Variants in GLT1D1 observed in about 807,000 individuals in gnomAD.
GLT1D1 encodes glycosyltransferase 1 domain containing 1.
A neutral mutation model predicts 28.7 loss-of-function variants in GLT1D1; 21 were observed. That is an observed-to-expected ratio of 0.73 (90% CI 0.52 to 1.05). The LOEUF (loss-of-function observed/expected upper bound fraction) is 1.05. Ranked by LOEUF, GLT1D1 falls within the 50% of genes least tolerant of loss-of-function variation. The probability of loss-of-function intolerance (pLI) is 0.00; values close to 1 mark genes in which losing one functional copy is unlikely to be tolerated. For synonymous variants in GLT1D1, 147 were observed against 124.8 expected (o/e 1.18, Z -1.19); for missense variants, 343 against 330.6 (o/e 1.04, Z -0.29).
At chr12:128,960,779 A>G (rs1000254361) in intron 7 of GLT1D1, among the ~76,000 whole-genome samples, 6 of 151,952 alleles carry the variant, frequency 3.9e-5, no homozygotes, top group Non-Finnish European at 7.4e-5. Context: ...AAAAAATTAA[A>G]TATATATTTC....
chr12:128,857,446 C>T (rs1182916165), intron 1 of GLT1D1, among the ~76,000 whole-genome samples: 2 of 152,160 alleles, frequency 1.3e-5, no homozygotes, highest in Admixed American at 6.5e-5. Context: ...TTGTCCTTCA[C>T]CTCAGGAAGG....
At chr12:128,878,512 T>C (rs536577492) in intron 2 of GLT1D1, among the ~76,000 whole-genome samples, 1 of 152,388 alleles carries the variant, frequency 6.6e-6, no homozygotes, top group African/African-American at 2.4e-5. Flanking sequence ...GCCTGAACAA[T>C]CTAAATGAAC....
rs56312500 is a variant in GLT1D1 at position 128,939,848 on chromosome 12, C to A, written c.376-5478C>A. ...CCAAATTGTTAGAAACCCCCCCCCA[C>A]CGCCGATCCAATCACCTCCTACCAG... On this transcript the variant is annotated intron_variant, in intron 4 of 7. Coordinates refer to ENST00000281703, the MANE Select transcript of GLT1D1 (RefSeq NM_144669.3). Among the ~76,000 whole-genome samples the A allele has an allele frequency of 9.2e-3, 1,117 of 120,804 alleles. 145 individuals are homozygous for A. Among genetic ancestry groups the A allele is most frequent in the African/African-American group, 0.03 (1,074 of 35,366 alleles). The allele number at this position is 120,804 out of a possible 152,430, so 79.3% of individuals were successfully genotyped here.
intron 7 of GLT1D1, among the ~76,000 whole-genome samples, chr12:128,968,057 C>T (rs2686673): frequency 0.058 from 8,885 of 152,096 alleles, 852 homozygotes; most frequent in African/African-American, 0.2. Context: ...AGTGCAGTGG[C>T]GCAAACTCAG....
At chr12:128,926,700 A>C (rs1203112091) in intron 4 of GLT1D1, among the ~76,000 whole-genome samples, 1 of 152,236 alleles carries the variant, frequency 6.6e-6, no homozygotes, top group Non-Finnish European at 1.5e-5. Flanking sequence ...TCATAAAAAT[A>C]GCAAATAATG....
At chr12:128,942,743 G>GTTTTTTTTTT (rs1254764237) in intron 4 of GLT1D1, among the ~76,000 whole-genome samples, 3 of 100,878 alleles carry the variant, frequency 3.0e-5, no homozygotes, top group South Asian at 3.6e-4. Context: ...TTGTTTGTTT[G>GTTTTTTTTTT]TTTTTGTTTT....
rs534937317 is a variant in GLT1D1, at chr12:128,895,458, A to AT, written c.324-3762dup. On this transcript the variant is annotated intron_variant, in intron 3 of 7. Transcript: ENST00000281703. ...GTTTGTTGGTCAATATACAGAAGCT[A>AT]TTTTTTTTTTTTTTTTGAGGCAGAG... Among the ~76,000 whole-genome samples the AT allele has an allele frequency of 7.5e-3, 1,036 of 137,460 alleles. 8 individuals carry two copies. The highest frequency in any genetic ancestry group is 8.0e-3 in the African/African-American group (301 of 37,438). The allele number at this position is 137,460 out of a possible 152,430, so 90.2% of individuals were successfully genotyped here. A position where few individuals can be genotyped will look rare whatever the true frequency, so the allele number is the denominator to read the frequency against.
At chr12:128,947,988 A>G (rs781633113) in intron 6 of GLT1D1, among the ~76,000 whole-genome samples, 11 of 152,084 alleles carry the variant, frequency 7.2e-5, no homozygotes, top group Admixed American at 1.3e-4. Flanking sequence ...AGCTCTATAA[A>G]ATCGCTTCAT....
chr12:128,974,690 G>A (rs955688444), intron 7 of GLT1D1, among the ~76,000 whole-genome samples: 6 of 152,230 alleles, frequency 3.9e-5, no homozygotes, highest in African/African-American at 1.2e-4. Context: ...AAGAAACACT[G>A]ATCTGTTGTT....
intron 4 of GLT1D1, among the ~76,000 whole-genome samples, chr12:128,932,986 C>T (rs1273999928): frequency 1.3e-5 from 2 of 152,224 alleles, no homozygotes. Context: ...CTTATTTATT[C>T]TGGACTCCCC....
At chr12:128,879,454 C>CTTTCTTTCTTTCT (rs1956979084) in intron 2 of GLT1D1, among the ~76,000 whole-genome samples, 1 of 94,072 alleles carries the variant, frequency 1.1e-5, no homozygotes, top group South Asian at 3.8e-4. Context: ...TTCTTTCTTT[C>CTTTCTTTCTTTCT]TTTCTTTTTT....
chr12:128,870,339 T>A (rs1038240075), intron 1 of GLT1D1, among the ~76,000 whole-genome samples: 1 of 151,362 alleles, frequency 6.6e-6, no homozygotes, highest in Non-Finnish European at 1.5e-5. Flanking sequence ...AAGTAAAGAG[T>A]CTGGTTGCTG....
intron 3 of GLT1D1, among the ~76,000 whole-genome samples, chr12:128,897,541 A>T (rs1342082223): frequency 6.6e-6 from 1 of 151,790 alleles, no homozygotes; most frequent in East Asian, 1.9e-4. Context: ...ATCATTCCAG[A>T]CTTCTCTTGT....
chr12:128,867,504 C>T (rs1956573593), intron 1 of GLT1D1, among the ~76,000 whole-genome samples: 1 of 151,728 alleles, frequency 6.6e-6, no homozygotes, highest in Admixed American at 6.6e-5. Flanking sequence ...ACTGAACCCT[C>T]GTTGCCCCAG....
chr12:128,980,882 C>A (rs879075954), intron 7 of GLT1D1, among the ~76,000 whole-genome samples: 1 of 152,330 alleles, frequency 6.6e-6, no homozygotes, highest in Admixed American at 6.5e-5. Flanking sequence ...TGTCATATCG[C>A]AAAGAGATGT....
chr12:128,854,224 T>A (rs1461211598), intron 1 of GLT1D1, among the ~76,000 whole-genome samples: 2 of 150,564 alleles, frequency 1.3e-5, no homozygotes, highest in Non-Finnish European at 1.5e-5. Context: ...TGGTCTGTGT[T>A]CTGGTCGCTG....
Position 128,980,598 on chromosome 12 carries a change from C to T in GLT1D1, c.640-2331C>T, listed in dbSNP as rs551351090. The stretch of plus-strand genomic sequence containing the variant: ...GCGGCTGGCCTGGAGCTGGATGTTC[C>T]GAGACGGCCTCACTCATGGTGTTGG... On this transcript the variant is annotated intron_variant, in intron 7 of 7. Transcript: ENST00000281703. Among the ~76,000 whole-genome samples, 14 of 152,296 alleles carry T rather than the reference C, an allele frequency of 9.2e-5. No homozygotes were observed. The South Asian group carries it at 2.7e-3, about 29-fold the overall frequency.
chr12:128,891,120 T>A (rs1490030806), intron 3 of GLT1D1, among the ~76,000 whole-genome samples: 3 of 150,680 alleles, frequency 2.0e-5, no homozygotes, highest in African/African-American at 2.4e-5. Flanking sequence ...AAAAAAAAAT[T>A]TAATTAATTA....
At chr12:128,911,321 C>G (rs896639956) in intron 4 of GLT1D1, among the ~76,000 whole-genome samples, 3 of 152,198 alleles carry the variant, frequency 2.0e-5, no homozygotes, top group Non-Finnish European at 4.4e-5. Flanking sequence ...ATTGTCTCGC[C>G]CTTGGCAGGG....
Sources: allele counts gnomAD v4.1 joint callset (sites outside exome capture counted in the v4.1 genomes callset), GRCh38; gene constraint gnomAD v4.1.1; transcripts MANE v1.5; gene names NCBI Gene and HGNC (gene_info 2026-07-23, HGNC 2026-07-21).